ATXN10: variants seen among roughly 807,000 people sequenced by gnomAD.
The protein encoded by ATXN10 is ataxin 10.
Under a neutral mutation model 52.9 loss-of-function variants are expected in ATXN10, and 28 were observed. The ratio of observed to expected loss-of-function variants is 0.53; its 90% CI spans 0.39 to 0.73. ATXN10 has a LOEUF of 0.73. ATXN10 is among the 30% of genes least tolerant of loss of function. ATXN10 has a pLI of 0.00. For synonymous variants in ATXN10, 226 were observed against 221.5 expected (o/e 1.02, Z -0.18); for missense variants, 565 against 577.0 (o/e 0.98, Z 0.21).
chr22:45,779,520 T>C (rs879415062), intron 9 of ATXN10, among the ~76,000 whole-genome samples: 1 of 152,234 alleles, frequency 6.6e-6, no homozygotes, highest in Admixed American at 6.5e-5. Flanking sequence ...CTAGACTTGC[T>C]GTTGGGGTGA....
chr22:45,687,912 C>T (rs560246819), intron 1 of ATXN10, among the ~76,000 whole-genome samples: 1 of 152,140 alleles, frequency 6.6e-6, no homozygotes, highest in Middle Eastern at 3.4e-3. Flanking sequence ...CAAAAATTAG[C>T]CGGGCGTGGT....
In ATXN10 at chr22:45,759,277, T is replaced by G. The variant is rs910088416; in HGVS notation, c.1173+18739T>G. Among the ~76,000 whole-genome samples the G allele has an allele frequency of 6.6e-6, 1 of 152,188 alleles. No homozygotes were observed. The highest frequency in any genetic ancestry group is 2.4e-5 in the African/African-American group (1 of 41,448). On this transcript the variant is annotated intron_variant, in intron 9 of 11. Transcript: ENST00000252934. This position sits in a 1 kb window ranked among gnomAD's most constrained non-coding sequence, Gnocchi z 5.4. The stretch of plus-strand genomic sequence containing the variant: ...CTGTAATCCCAACACTTTGGGAGGC[T>G]GAGGTGGGCGGATCACCTGAGGTCA...
chr22:45,672,263 C>T, intron 1 of ATXN10, 84 bp downstream of exon 1: 3 of 1,250,992 alleles, frequency 2.4e-6, no homozygotes, highest in Non-Finnish European at 3.0e-6. Flanking sequence ...ACCCAGGCGC[C>T]GCCCCCGCCT....
In ATXN10 at chr22:45,754,046, T is replaced by C. The variant is rs1353673018; in HGVS notation, c.1173+13508T>C. 6.6e-6 allele frequency among the ~76,000 whole-genome samples: 1 copy of C among 152,232 alleles called. No individual in the cohort carries two copies. Among genetic ancestry groups the C allele is most frequent in the Non-Finnish European group, 1.5e-5 (1 of 68,040 alleles). ...CTCTTGTCTGCCTCTCTGGGTTTTA[T>C]TTCTGGCCTCTGAGAATGATGCTCA... On this transcript the variant is annotated intron_variant, in intron 9 of 11. Transcript: ENST00000252934. This position sits in a 1 kb window ranked among gnomAD's most constrained non-coding sequence, Gnocchi z 5.4.
intron 9 of ATXN10, among the ~76,000 whole-genome samples, chr22:45,773,562 G>A (rs1267438116): frequency 6.6e-6 from 1 of 152,002 alleles, no homozygotes; most frequent in Non-Finnish European, 1.5e-5. Flanking sequence ...AGGTTCAAGC[G>A]ATTCTCCTGC....
rs943106176 is a variant in ATXN10, at chr22:45,718,322, T to C, written c.648-91T>C. On this transcript the variant is annotated intron_variant, in intron 5 of 11. Coordinates refer to ENST00000252934, the MANE Select transcript of ATXN10 (RefSeq NM_013236.4). The surrounding 1 kb of genome is among the most constrained non-coding windows in gnomAD (Gnocchi z 4.4). ...AAAAATTCACTGAAAAGAAATGCTT[T>C]TGTGTGTAAGTGGTGCCTATAAAGT... 3.5e-5 allele frequency: 33 copies of C among 944,344 alleles called. No homozygotes were observed. Among genetic ancestry groups the C allele is most frequent in the Non-Finnish European group, 5.2e-5 (30 of 572,036 alleles). 58.5% of individuals were successfully genotyped at this position (944,344 alleles called of 1,614,324 possible). A position where few individuals can be genotyped will look rare whatever the true frequency, so the allele number is the denominator to read the frequency against.
chr22:45,796,357 C>T (rs1927739113), intron 9 of ATXN10, among the ~76,000 whole-genome samples: 1 of 152,190 alleles, frequency 6.6e-6, no homozygotes, highest in African/African-American at 2.4e-5. Context: ...CATGGACCTT[C>T]ATCAGTAATT....
At chr22:45,815,151 G>A (rs1027895247) in intron 10 of ATXN10, among the ~76,000 whole-genome samples, 7 of 152,198 alleles carry the variant, frequency 4.6e-5, no homozygotes, top group Non-Finnish European at 8.8e-5. Context: ...AATACCATAC[G>A]GCAGTAAAGA....
intron 10 of ATXN10, among the ~76,000 whole-genome samples, chr22:45,815,431 A>C (rs182357863): frequency 6.6e-6 from 1 of 152,306 alleles, no homozygotes; most frequent in African/African-American, 2.4e-5. Flanking sequence ...CTTACCTAAG[A>C]TGAGCAGTGC....
intron 9 of ATXN10, among the ~76,000 whole-genome samples, chr22:45,799,653 G>T (rs960990383): frequency 1.3e-5 from 2 of 152,140 alleles, no homozygotes; most frequent in Non-Finnish European, 2.9e-5. Flanking sequence ...CCAACATCTT[G>T]ATCTTGGACT....
chr22:45,760,848 A>T (rs1387745419), intron 9 of ATXN10, among the ~76,000 whole-genome samples: 1 of 152,070 alleles, frequency 6.6e-6, no homozygotes, highest in South Asian at 2.1e-4. Context: ...TGCAGCACGA[A>T]CCAGCCCATC....
At chr22:45,736,413 C>T (rs754448103) in intron 7 of ATXN10, among the ~76,000 whole-genome samples, 1 of 151,952 alleles carries the variant, frequency 6.6e-6, no homozygotes, top group Non-Finnish European at 1.5e-5. Context: ...AAATAGTATT[C>T]AGATTTCCCC....
chr22:45,685,517 T>A (rs533219122), intron 1 of ATXN10, among the ~76,000 whole-genome samples: 124 of 152,364 alleles, frequency 8.1e-4, no homozygotes, highest in Non-Finnish European at 1.4e-3. Flanking sequence ...TTAATAACTT[T>A]TGTAATATTG....
chr22:45,806,867 G>C, intron 9 of ATXN10, 92 bp from the exon 10 acceptor site: 1 of 969,660 alleles, frequency 1.0e-6, no homozygotes, highest in Non-Finnish European at 1.7e-6. Context: ...TTATAACATT[G>C]AGTAAGAAAA....
Position 45,727,254 on chromosome 22 carries a change from G to A in ATXN10, c.729-2171G>A, listed in dbSNP as rs1228774324. Among the ~76,000 whole-genome samples, 1 of 151,946 alleles carries A rather than the reference G, an allele frequency of 6.6e-6. No individual in the cohort carries two copies. Among genetic ancestry groups the A allele is most frequent in the African/African-American group, 2.4e-5 (1 of 41,336 alleles). ...TTATGTAGTTTTGAGGGTTCCTTTTGGAATTGATTTCTAGTTTTATTCTAT... is the reference window on the plus strand; with the variant it reads ...TTATGTAGTTTTGAGGGTTCCTTTTAGAATTGATTTCTAGTTTTATTCTAT... On this transcript the variant is annotated intron_variant, in intron 6 of 11. Coordinates refer to ENST00000252934, the MANE Select transcript of ATXN10 (RefSeq NM_013236.4). The surrounding 1 kb of genome is among the most constrained non-coding windows in gnomAD (Gnocchi z 4.6).
At chr22:45,729,392 TA>T in intron 6 of ATXN10, 32 bp from the exon 7 acceptor site, 1 of 1,608,736 alleles carries the variant, frequency 6.2e-7, no homozygotes, top group Non-Finnish European at 8.5e-7. Context: ...TTAAGTATTA[TA>T]GATTCATGCA....
At chr22:45,748,791 T>C (rs551864588) in intron 9 of ATXN10, among the ~76,000 whole-genome samples, 1 of 152,302 alleles carries the variant, frequency 6.6e-6, no homozygotes, top group African/African-American at 2.4e-5. Context: ...TCAAGAAATA[T>C]GTCAAAATTC....
At position 45,732,745 on chromosome 22, in the gene ATXN10, A is replaced by G. The variant is rs557719176; in HGVS notation, c.894+3155A>G. On this transcript the variant is annotated intron_variant, in intron 7 of 11. Coordinates refer to ENST00000252934, the MANE Select transcript of ATXN10 (RefSeq NM_013236.4). The surrounding 1 kb of genome is among the most constrained non-coding windows in gnomAD (Gnocchi z 4.5). Reference sequence around the variant, plus strand: ...GTACCTTGAAATCATCCATGGTGGAAGTAGTTGTGCCATGGAAACCAGCAA... The same window carrying G: ...GTACCTTGAAATCATCCATGGTGGAGGTAGTTGTGCCATGGAAACCAGCAA... 6.6e-6 allele frequency among the ~76,000 whole-genome samples: 1 copy of G among 152,250 alleles called. No individual in the cohort carries two copies. Among genetic ancestry groups the G allele is most frequent in the East Asian group, 1.9e-4 (1 of 5,180 alleles).
chr22:45,712,052 G>A lies in ATXN10; in HGVS notation c.648-6361G>A, dbSNP rs1184954645. Among the ~76,000 whole-genome samples the A allele has an allele frequency of 6.6e-6, 1 of 152,142 alleles. No homozygotes were observed. Among genetic ancestry groups the A allele is most frequent in the East Asian group, 1.9e-4 (1 of 5,194 alleles). On this transcript the variant is annotated intron_variant, in intron 5 of 11. Transcript: ENST00000252934. The surrounding 1 kb of genome is among the most constrained non-coding windows in gnomAD (Gnocchi z 4.6). ...ACTGGCAAGGGTATTGAGAAGTTTG[G>A]GAATTAGAAACAAAGAGGTAATAAC...
Sources: allele counts gnomAD v4.1 joint callset (sites outside exome capture counted in the v4.1 genomes callset), GRCh38; gene constraint gnomAD v4.1.1; non-coding constraint Gnocchi (gnomAD v3.1); transcripts MANE v1.5; gene names NCBI Gene and HGNC (gene_info 2026-07-23, HGNC 2026-07-21).